TPPP2: variants seen among roughly 807,000 people sequenced by gnomAD.
TPPP2 encodes the protein tubulin polymerization promoting protein family member 2.
Under a neutral mutation model 13.0 loss-of-function variants are expected in TPPP2, and 8 were observed. The observed-to-expected ratio is 0.62, with a 90% CI of 0.36 to 1.11. The LOEUF is 1.11. TPPP2 is among the 50% of genes most tolerant of loss of function. The pLI, the probability that TPPP2 is intolerant of heterozygous loss-of-function variation, is 0.02. For missense variants in TPPP2, 213 were observed against 216.9 expected, an observed-to-expected ratio of 0.98 and a Z score of 0.11; for synonymous variants, 81 against 81.8, an observed-to-expected ratio of 0.99 and a Z score of 0.05.
downstream of TPPP2, chr14:21,034,272 G>T (rs113995906): frequency 1.2e-6 from 2 of 1,611,734 alleles, no homozygotes; most frequent in African/African-American, 2.7e-5. Flanking sequence ...AAGGAGCCGG[G>T]TCACAGCTGG....
intron 2 of TPPP2, 71 bp from the exon 3 acceptor site, chr14:21,030,941 G>T (rs2139074827): frequency 1.3e-6 from 2 of 1,547,906 alleles, no homozygotes; most frequent in Non-Finnish European, 1.7e-6. Flanking sequence ...ATCTGAGTGA[G>T]GCAAGAGTTG....
At chr14:21,029,512 G>A (rs549837260), upstream of TPPP2, among the ~76,000 whole-genome samples, 7 of 152,274 alleles carry the variant, frequency 4.6e-5, no homozygotes, top group South Asian at 4.1e-4. Context: ...CATGAGAGTC[G>A]CTTGAATCCT....
intron 3 of TPPP2, 89 bp downstream of exon 3, chr14:21,031,254 T>C (rs1884101293): frequency 2.0e-6 from 3 of 1,505,976 alleles, no homozygotes; most frequent in Admixed American, 2.1e-5. Context: ...ACTGTGTGAC[T>C]GTAGAGACAG....
chr14:21,026,460 C>T (rs902305508), upstream of TPPP2, among the ~76,000 whole-genome samples: 1 of 151,040 alleles, frequency 6.6e-6, no homozygotes, highest in Non-Finnish European at 1.5e-5. Context: ...GACTGCCCCC[C>T]CAAGACCCCC....
At chr14:21,025,289 C>T, upstream of TPPP2, 1 of 944,806 alleles carries the variant, frequency 1.1e-6, no homozygotes, top group African/African-American at 1.8e-5. This position sits in a 1 kb window ranked among gnomAD's most constrained non-coding sequence, Gnocchi z 5.1. Flanking sequence ...CTCACCAAAA[C>T]ATTCCACCAC....
At chr14:21,024,404 GTGACCTTGCCCCAGTTA>G (rs1882625777) in intron 1 of TPPP2, 2 of 900,476 alleles carry the variant, frequency 2.2e-6, no homozygotes, top group South Asian at 1.0e-4. Context: ...CACTCCCAGT[GTGACCTTGCCCCAGTTA>G]GTTACTACAT....
downstream of TPPP2, chr14:21,035,687 C>T (rs1352665019): frequency 9.1e-6 from 4 of 440,788 alleles, no homozygotes; most frequent in Non-Finnish European, 1.8e-5. Context: ...ATTGGTGTTC[C>T]TCATGTAGAG....
downstream of TPPP2, chr14:21,034,433 A>G (rs1884479267): frequency 7.6e-6 from 5 of 657,764 alleles, 1 homozygote; most frequent in South Asian, 4.0e-5. Flanking sequence ...TGACCCAGAA[A>G]GAGGAGATGC....
rs1273189520 is a variant in TPPP2 at position 21,030,740 on chromosome 14, G to A, written c.159G>A (p.Val53=). 6.2e-7 allele frequency: 1 copy of A among 1,613,898 alleles called. No individual in the cohort carries two copies. The highest frequency in any genetic ancestry group is 8.5e-7 in the Non-Finnish European group (1 of 1,179,972). ...TCACCTCCACGGACGTGGACATCGT[G>A]TTCAGCAAAGTCAAGTGAGGAGCCA... ...KTVTSTDVDI[V]FSKVKAKNAR... Residue 53 remains valine (V), a synonymous_variant, in exon 2 of 4, where the codon GTG becomes GTA. Coordinates refer to ENST00000321760, the MANE Select transcript of TPPP2 (RefSeq NM_173846.5).
chr14:21,034,203 C>T (rs759129007), downstream of TPPP2: 32 of 1,614,088 alleles, frequency 2.0e-5, no homozygotes, highest in South Asian at 3.5e-4. Context: ...GAAGTTCCTG[C>T]TGCCAATCTG....
chr14:21,025,229 G>C (rs1025602866), upstream of TPPP2: 2 of 851,362 alleles, frequency 2.3e-6, no homozygotes, highest in East Asian at 2.4e-4. This position sits in a 1 kb window ranked among gnomAD's most constrained non-coding sequence, Gnocchi z 5.1. Flanking sequence ...GGTTGTGCTG[G>C]GGCCGGGGGG....
At chr14:21,026,152 G>A (rs1351598204), upstream of TPPP2, among the ~76,000 whole-genome samples, 2 of 149,612 alleles carry the variant, frequency 1.3e-5, no homozygotes, top group East Asian at 1.9e-4. Context: ...ACACGCACAC[G>A]CACACACACA....
chr14:21,027,077 AG>A (rs939090093), upstream of TPPP2, among the ~76,000 whole-genome samples: 10 of 152,202 alleles, frequency 6.6e-5, no homozygotes, highest in African/African-American at 2.4e-4. Context: ...GAACCTGATA[AG>A]GGGCCTACGC....
chr14:21,025,107 C>G lies in TPPP2; in HGVS notation n.236+763C>G. The stretch of plus-strand genomic sequence containing the variant: ...CCGGCTCGGGCTTCCCGCAGACCCG[C>G]CCCCGGCCCGCCCCAGCCCGCCCAC... On this transcript the variant is annotated intron_variant and non_coding_transcript_variant, in intron 1 of 1. Coordinates refer to the TPPP2 transcript ENST00000533755. This position sits in a 1 kb window ranked among gnomAD's most constrained non-coding sequence, Gnocchi z 5.1. 2.0e-6 allele frequency: 2 copies of G among 985,066 alleles called. No individual in the cohort carries two copies. The highest frequency in any genetic ancestry group is 1.2e-6 in the Non-Finnish European group (1 of 829,650). 61.0% of individuals were successfully genotyped at this position (985,066 alleles called of 1,614,324 possible).
upstream of TPPP2, among the ~76,000 whole-genome samples, chr14:21,026,140 ACACACG>A (rs1210561390): frequency 2.6e-5 from 4 of 151,816 alleles, no homozygotes; most frequent in South Asian, 2.1e-4. Flanking sequence ...GACTTTACAC[ACACACG>A]CACACGCACA....
chr14:21,033,869 G>A (rs1314499361), downstream of TPPP2: 12 of 1,614,058 alleles, frequency 7.4e-6, no homozygotes, highest in Non-Finnish European at 6.8e-6. Flanking sequence ...CTTCATACTT[G>A]CGGGAGCAGA....
Position 21,031,984 on chromosome 14 carries a change from C to A in TPPP2, c.420C>A (p.Gly140=). The A allele has an allele frequency of 6.2e-7, 1 of 1,614,146 alleles. No individual in the cohort carries two copies. The highest frequency in any genetic ancestry group is 1.6e-4 in the Middle Eastern group (1 of 6,062). ...HKERFDESGK[G]KGIAGREEMT... ...AGCGCTTTGATGAGAGTGGCAAGGG[C>A]AAGGGCATTGCGGGACGGGAAGAGA... Residue 140 remains glycine, a synonymous_variant, in exon 4 of 4, where the codon GGC becomes GGA. Coordinates refer to ENST00000321760, the MANE Select transcript of TPPP2 (RefSeq NM_173846.5).
At chr14:21,030,918 C>G in intron 2 of TPPP2, 94 bp from the exon 3 acceptor site, 1 of 1,535,046 alleles carries the variant, frequency 6.5e-7, no homozygotes, top group Non-Finnish European at 8.8e-7. Context: ...ATTGATAGGA[C>G]AAAAGAGGCC....
At position 21,031,158 on chromosome 14, in the gene TPPP2, G is replaced by A. The variant is rs142073310; in HGVS notation, c.320G>A (p.Gly107Asp). ...GAGGGCAAAGACCCAGCCACCACTG[G>A]CGCTACTGTGAGTGACAGCCTTCAT... Reference protein sequence around the residue: ...LMEGKDPATTGATKATTVGAV... With the variant: ...LMEGKDPATTDATKATTVGAV... Residue 107 changes from glycine (G) to aspartate (D), a missense_variant, in exon 3 of 4, where the codon GGC (glycine) becomes GAC (aspartate). Transcript: ENST00000321760. 1.8e-4 allele frequency: 287 copies of A among 1,613,534 alleles called. 1 individual carries two copies. The African/African-American group carries it at 2.9e-3, about 17-fold the overall frequency.
Sources: gnomAD v4.1 joint callset for allele counts (sites outside exome capture counted in the v4.1 genomes callset) on GRCh38, gnomAD v4.1.1 for gene constraint, Gnocchi (gnomAD v3.1) non-coding constraint, MANE v1.5 for transcripts, NCBI Gene and HGNC (gene_info 2026-07-23, HGNC 2026-07-21) for gene names.